DPP6: variants seen among roughly 807,000 people sequenced by gnomAD.
DPP6 encodes dipeptidyl peptidase like 6, also known as A-type potassium channel modulatory protein DPP6.
Under a neutral mutation model 122.6 loss-of-function variants are expected in DPP6, and 69 were observed. The observed-to-expected ratio is 0.56, with a 90% CI of 0.46 to 0.69. The LOEUF (loss-of-function observed/expected upper bound fraction) is 0.69. Ranked by LOEUF, DPP6 falls within the 30% of genes least tolerant of loss-of-function variation. The pLI is 0.00. For synonymous variants in DPP6, 418 were observed against 433.1 expected, an observed-to-expected ratio of 0.97 and a Z score of 0.43; for missense variants, 928 against 1,116.9, an observed-to-expected ratio of 0.83 and a Z score of 2.41.
At chr7:154,402,776 A>G (rs925042975) in intron 1 of DPP6, among the ~76,000 whole-genome samples, 1 of 147,766 alleles carries the variant, frequency 6.8e-6, no homozygotes, top group African/African-American at 2.6e-5. Context: ...AAAGAAAAAA[A>G]TAAAAATAAA....
the DPP6 span, among the ~76,000 whole-genome samples, chr7:153,855,271 A>T: frequency 1.4e-5 from 2 of 139,678 alleles, no homozygotes; most frequent in African/African-American, 2.8e-5. Context: ...TAATACCTAT[A>T]AAAAAAATAT....
intron 3 of DPP6, among the ~76,000 whole-genome samples, chr7:154,515,214 G>A (rs1414231003): frequency 1.3e-5 from 2 of 152,138 alleles, no homozygotes; most frequent in Non-Finnish European, 2.9e-5. Flanking sequence ...TGTTTTGAAT[G>A]GCCTGTCATA....
intron 5 of DPP6, among the ~76,000 whole-genome samples, chr7:154,597,738 G>A (rs1418856103): frequency 6.6e-6 from 1 of 152,186 alleles, no homozygotes; most frequent in East Asian, 1.9e-4. Context: ...AGAGATCGAG[G>A]TGTCTGCAGG....
intron 2 of DPP6, among the ~76,000 whole-genome samples, chr7:154,462,310 G>C (rs1403339227): frequency 6.6e-6 from 1 of 152,008 alleles, no homozygotes; most frequent in Non-Finnish European, 1.5e-5. Context: ...ATCCAGTTTT[G>C]TTCATTTTAC....
the DPP6 span, among the ~76,000 whole-genome samples, chr7:153,778,566 TACTC>T: frequency 3.7e-4 from 55 of 149,642 alleles, no homozygotes; most frequent in African/African-American, 1.3e-3. Context: ...AGTTTTATGA[TACTC>T]AACCATGTCT....
intron 5 of DPP6, among the ~76,000 whole-genome samples, chr7:154,575,974 A>T (rs1831644542): frequency 1.3e-5 from 2 of 152,048 alleles, no homozygotes; most frequent in African/African-American, 4.8e-5. Flanking sequence ...GCAGGGCTAC[A>T]AAAAGAGGCT....
At chr7:154,721,705 T>A (rs1313816313) in intron 7 of DPP6, among the ~76,000 whole-genome samples, 2 of 152,196 alleles carry the variant, frequency 1.3e-5, no homozygotes, top group African/African-American at 2.4e-5. Flanking sequence ...CTAGCTCACA[T>A]GACACCTCCT....
At chr7:154,445,293 A>G (rs1819764309) in intron 1 of DPP6, among the ~76,000 whole-genome samples, 1 of 152,196 alleles carries the variant, frequency 6.6e-6, no homozygotes, top group African/African-American at 2.4e-5. Context: ...ATCTGTCCTT[A>G]TTTGTTCCTG....
At chr7:154,622,127 C>T (rs956881837) in intron 5 of DPP6, among the ~76,000 whole-genome samples, 11 of 152,270 alleles carry the variant, frequency 7.2e-5, no homozygotes, top group African/African-American at 2.4e-4. Context: ...CACCAAGAGA[C>T]GGTAATGAGG....
At chr7:154,560,681 G>A (rs755192297) in intron 4 of DPP6, among the ~76,000 whole-genome samples, 18 of 152,088 alleles carry the variant, frequency 1.2e-4, no homozygotes, top group Non-Finnish European at 1.8e-4. Context: ...GTCAGAGTTC[G>A]AGACCAACCT....
chr7:154,441,555 G>T (rs1399590661), intron 1 of DPP6, among the ~76,000 whole-genome samples: 1 of 152,096 alleles, frequency 6.6e-6, no homozygotes, highest in African/African-American at 2.4e-5. Context: ...AAGGCACAAA[G>T]TCTGATAAAG....
intron 1 of DPP6, among the ~76,000 whole-genome samples, chr7:154,237,429 C>T (rs1410016757): frequency 6.6e-6 from 1 of 152,086 alleles, no homozygotes; most frequent in Non-Finnish European, 1.5e-5. Context: ...GGTCTGACAC[C>T]CAGTGTTAGG....
chr7:154,235,070 A>G (rs1041131113), intron 1 of DPP6, among the ~76,000 whole-genome samples: 3 of 152,224 alleles, frequency 2.0e-5, no homozygotes, highest in Non-Finnish European at 4.4e-5. Context: ...TAAAGCATAC[A>G]ATTAAACGTT....
rs116824573 is a variant in DPP6 at position 154,431,011 on chromosome 7, G to A, written c.244-15203G>A. On this transcript the variant is annotated intron_variant, in intron 1 of 25. Coordinates refer to ENST00000377770, the MANE Select transcript of DPP6 (RefSeq NM_130797.4). Reference sequence around the variant, plus strand: ...GATCCTGATGATGTCCTGTGCTCACGGCGCTTACTTTGATTGGCACCCAGA... The same window carrying A: ...GATCCTGATGATGTCCTGTGCTCACAGCGCTTACTTTGATTGGCACCCAGA... Among the ~76,000 whole-genome samples the A allele has an allele frequency of 3.0e-3, 462 of 152,190 alleles. 1 individual carries two copies. The highest frequency in any genetic ancestry group is 0.01 in the African/African-American group (428 of 41,502).
chr7:154,655,259 A>C (rs574943692), intron 6 of DPP6, among the ~76,000 whole-genome samples: 1 of 152,288 alleles, frequency 6.6e-6, no homozygotes, highest in South Asian at 2.1e-4. Flanking sequence ...GTCCCTCAAA[A>C]TCACTTAGGA....
At chr7:154,577,986 G>A (rs1297596464) in intron 5 of DPP6, among the ~76,000 whole-genome samples, 18 of 152,202 alleles carry the variant, frequency 1.2e-4, no homozygotes, top group African/African-American at 4.3e-4. Flanking sequence ...TGTGTGTTAC[G>A]ACCAATTCCA....
At chr7:153,896,509 ATTTATC>A (rs1461319812) in intron 1 of DPP6, among the ~76,000 whole-genome samples, 20 of 152,162 alleles carry the variant, frequency 1.3e-4, no homozygotes, top group Admixed American at 1.1e-3. Context: ...CACATGAACA[ATTTATC>A]TTTAACAGGC....
intron 1 of DPP6, among the ~76,000 whole-genome samples, chr7:153,951,616 C>G (rs1314858805): frequency 6.6e-6 from 1 of 152,184 alleles, no homozygotes; most frequent in Non-Finnish European, 1.5e-5. Flanking sequence ...GCCTTGCTGT[C>G]CAGGAATTTA....
At chr7:154,712,339 A>G (rs1841239188) in intron 7 of DPP6, among the ~76,000 whole-genome samples, 1 of 152,330 alleles carries the variant, frequency 6.6e-6, no homozygotes, top group East Asian at 1.9e-4. Context: ...ATAAATCAAG[A>G]AAGTATAAAG....
Sources: allele counts gnomAD v4.1 joint callset (sites outside exome capture counted in the v4.1 genomes callset), GRCh38; gene constraint gnomAD v4.1.1; transcripts MANE v1.5; gene names NCBI Gene and HGNC (gene_info 2026-07-23, HGNC 2026-07-21).